CCDC57: variants seen among roughly 807,000 people sequenced by gnomAD.
The protein encoded by CCDC57 is coiled-coil domain containing 57.
CCDC57 carries 118 observed loss-of-function variants against 118.9 expected under a neutral mutation model. The ratio of observed to expected loss-of-function variants is 0.99; its 90% confidence interval spans 0.86 to 1.16. CCDC57 has a LOEUF of 1.16. Among genes scored for constraint, CCDC57 ranks in the 50% most tolerant of loss-of-function variants. The pLI is 0.00. For synonymous variants in CCDC57, 527 were observed against 532.9 expected, an observed-to-expected ratio of 0.99 and a Z score of 0.15; for missense variants, 1,300 against 1,320.7, an observed-to-expected ratio of 0.98 and a Z score of 0.24.
chr17:82,162,006 A>T (rs549184040), intron 14 of CCDC57, among the ~76,000 whole-genome samples: 200 of 150,362 alleles, frequency 1.3e-3, no homozygotes, highest in African/African-American at 3.9e-3. Flanking sequence ...AATTAAAAAA[A>T]TTTTTTTTTT....
chr17:82,143,943 C>CAAAAAAAAA (rs60893321), intron 16 of CCDC57, among the ~76,000 whole-genome samples: 17 of 120,928 alleles, frequency 1.4e-4, no homozygotes, highest in Non-Finnish European at 1.3e-4. Flanking sequence ...ACTAAAAATA[C>CAAAAAAAAA]AAAAAAAAAA....
chr17:82,145,029 T>C (rs2040521812), intron 16 of CCDC57, among the ~76,000 whole-genome samples: 1 of 144,560 alleles, frequency 6.9e-6, no homozygotes, highest in Non-Finnish European at 1.5e-5. Context: ...TTTTTTTCTT[T>C]TTTTTTTTTT....
At chr17:82,138,334 G>A (rs980598439) in intron 16 of CCDC57, among the ~76,000 whole-genome samples, 15 of 151,368 alleles carry the variant, frequency 9.9e-5, no homozygotes, top group African/African-American at 3.4e-4. Flanking sequence ...ATTTTTAGTA[G>A]AGACAGGGTT....
At chr17:82,109,274 G>A (rs2035081239) in intron 19 of CCDC57, among the ~76,000 whole-genome samples, 1 of 152,244 alleles carries the variant, frequency 6.6e-6, no homozygotes, top group African/African-American at 2.4e-5. Flanking sequence ...GCAGAGCGGG[G>A]CGTGTGGAGC....
At chr17:82,147,479 G>C (rs545625405) in intron 16 of CCDC57, among the ~76,000 whole-genome samples, 1 of 151,422 alleles carries the variant, frequency 6.6e-6, no homozygotes, top group Non-Finnish European at 1.5e-5. Context: ...GTGTATGGAC[G>C]GATGGACAGG....
chr17:82,190,250 G>T (rs1026412356), intron 7 of CCDC57, among the ~76,000 whole-genome samples: 1 of 152,088 alleles, frequency 6.6e-6, no homozygotes, highest in African/African-American at 2.4e-5. Context: ...ACTTCTCAAG[G>T]TTCTTCCCTA....
Position 82,195,251 on chromosome 17 carries a change from GC to G in CCDC57, c.618+11del, listed in dbSNP as rs1363208256. On this transcript the variant is annotated intron_variant, in intron 5 of 19. Transcript: ENST00000665763. ...CGAAAAACCTTCACGACCCAAGGGT[GC>G]CCCCAGTTACCTTAAGCTCCCGGGA... is the stretch of plus-strand genomic sequence containing the variant. The G allele has an allele frequency of 6.4e-6, 10 of 1,569,498 alleles. No individual in the cohort carries two copies. In the Admixed American group the frequency reaches 7.4e-5, roughly 12 times the overall value.
intron 16 of CCDC57, among the ~76,000 whole-genome samples, chr17:82,141,479 A>C (rs7501527): frequency 0.49 from 75,040 of 152,030 alleles, 19,412 homozygotes; most frequent in East Asian, 0.88. Flanking sequence ...AGCCACCGCG[A>C]CTGCCCTAAA....
chr17:82,190,627 A>G (rs1278494220), intron 7 of CCDC57, among the ~76,000 whole-genome samples: 1 of 149,422 alleles, frequency 6.7e-6, no homozygotes, highest in Non-Finnish European at 1.5e-5. Flanking sequence ...CTCAAGAGGC[A>G]GAGGTTGCAG....
intron 1 of CCDC57, among the ~76,000 whole-genome samples, chr17:82,209,771 G>A (rs980224771): frequency 6.6e-6 from 1 of 152,180 alleles, no homozygotes; most frequent in Non-Finnish European, 1.5e-5. Context: ...ACAGGCGTGA[G>A]CCACTGTACC....
intron 8 of CCDC57, among the ~76,000 whole-genome samples, chr17:82,185,662 AG>A (rs1568407916): frequency 1.3e-5 from 2 of 151,916 alleles, no homozygotes; most frequent in Non-Finnish European, 2.9e-5. Context: ...TTAATCCTAC[AG>A]GTTTTCTCTG....
rs372823262 is a variant in CCDC57 at position 82,113,250 on chromosome 17, C to G, written c.2900-11384G>C. On this transcript the variant is annotated intron_variant, in intron 19 of 19. Transcript: ENST00000665763. Reference sequence around the variant, plus strand: ...GGGGGCTGGGGTTGTCCGTGCCATTCAGGGCACCCCAGTGCTCCCTTCTTG... The same window carrying G: ...GGGGGCTGGGGTTGTCCGTGCCATTGAGGGCACCCCAGTGCTCCCTTCTTG... 313 of 619,740 alleles carry G rather than the reference C, an allele frequency of 5.1e-4. No individual in the cohort carries two copies. In the African/African-American group the frequency reaches 5.1e-3, roughly 10 times the overall value. 38.4% of individuals were successfully genotyped at this position (619,740 alleles called of 1,614,324 possible). A position where few individuals can be genotyped will look rare whatever the true frequency, so the allele number is the denominator to read the frequency against.
At chr17:82,160,873 CAAAAAAAAA>C (rs55750984) in intron 14 of CCDC57, among the ~76,000 whole-genome samples, 4 of 60,868 alleles carry the variant, frequency 6.6e-5, no homozygotes, top group African/African-American at 2.7e-4. Flanking sequence ...GACTCTGTCT[CAAAAAAAAA>C]AAAAAAAAAA....
intron 3 of CCDC57, 73 bp from the exon 3 acceptor site, chr17:82,198,495 C>T: frequency 1.9e-6 from 2 of 1,055,592 alleles, no homozygotes; most frequent in East Asian, 2.5e-5. Flanking sequence ...TCAAGGTGCA[C>T]TTGACATGTG....
intron 13 of CCDC57, among the ~76,000 whole-genome samples, chr17:82,164,429 G>GAAGAAAA (rs2043734263): frequency 6.6e-6 from 1 of 151,914 alleles, no homozygotes; most frequent in Non-Finnish European, 1.5e-5. Flanking sequence ...AAAGTAGGAG[G>GAAGAAAA]AAGAAAAGAT....
At chr17:82,195,387 T>C (rs765361385) in intron 4 of CCDC57, 23 bp from the exon 4 acceptor site, 8 of 1,560,920 alleles carry the variant, frequency 5.1e-6, no homozygotes, top group Admixed American at 1.9e-5. Flanking sequence ...GGTTTCATGA[T>C]GAAAGAACAG....
downstream of CCDC57, chr17:82,101,509 G>C (rs1174974634): frequency 6.8e-6 from 4 of 587,664 alleles, no homozygotes; most frequent in Middle Eastern, 9.0e-4. Flanking sequence ...CCTGTGCTCA[G>C]GGAGGCCTTC....
chr17:82,121,928 C>T (rs539921259), intron 19 of CCDC57, among the ~76,000 whole-genome samples: 2 of 152,324 alleles, frequency 1.3e-5, no homozygotes, highest in African/African-American at 4.8e-5. Context: ...CTGATCCACA[C>T]CAGCCCGCCT....
rs549686712 is a variant in CCDC57 at position 82,172,361 on chromosome 17, G to A, written c.1729+277C>T. 6.6e-6 allele frequency among the ~76,000 whole-genome samples: 1 copy of A among 152,308 alleles called. No homozygotes were observed. The highest frequency in any genetic ancestry group is 1.5e-5 in the Non-Finnish European group (1 of 68,034). ...ACAGCGCGACAGCAAGCCAGCCCTG[G>A]TCCAGGTCTAAAACAGGTTTTTAAG... On this transcript the variant is annotated intron_variant, in intron 12 of 19. Coordinates refer to ENST00000665763, the Ensembl canonical transcript of CCDC57. The surrounding 1 kb of genome is among the most constrained non-coding windows in gnomAD (Gnocchi z 5.2).
Sources: gnomAD v4.1 joint callset for allele counts (sites outside exome capture counted in the v4.1 genomes callset) on GRCh38, gnomAD v4.1.1 for gene constraint, Gnocchi (gnomAD v3.1) non-coding constraint, MANE v1.5 for transcripts, NCBI Gene and HGNC (gene_info 2026-07-23, HGNC 2026-07-21) for gene names.